RXRA: variants seen among roughly 807,000 people sequenced by gnomAD.
The protein encoded by RXRA is retinoic acid receptor RXR-alpha.
In RXRA, 5 loss-of-function variants were observed where a neutral mutation model predicts 44.5. The ratio of observed to expected loss-of-function variants is 0.11; its 90% confidence interval spans 0.06 to 0.24. RXRA has a LOEUF of 0.24. Ranked by LOEUF, RXRA falls within the 10% of genes least tolerant of loss-of-function variation. RXRA has a pLI of 1.00. For missense variants in RXRA, 412 were observed against 646.5 expected (o/e 0.64, Z 3.93); for synonymous variants, 291 against 271.4 (o/e 1.07, Z -0.71).
chr9:134,439,325 A>G lies in RXRA; in HGVS notation c.*2711A>G, dbSNP rs1232635225. The G allele has an allele frequency of 6.6e-6, 1 of 152,076 alleles. No individual in the cohort carries two copies. Among genetic ancestry groups the G allele is most frequent in the East Asian group, 1.9e-4 (1 of 5,176 alleles). 9.4% of individuals were successfully genotyped at this position (152,076 alleles called of 1,614,324 possible). ...CCCGGCACCTTCAGGCACGCTCCTC[A>G]GCTGGTCACCTCCCGGCTTTGCCGT... is the stretch of plus-strand genomic sequence containing the variant. On this transcript the variant is annotated 3_prime_UTR_variant, in exon 10 of 10. Coordinates refer to ENST00000481739, the MANE Select transcript of RXRA (RefSeq NM_002957.6).
intron 1 of RXRA, among the ~76,000 whole-genome samples, chr9:134,377,967 G>A (rs939523471): frequency 2.0e-5 from 3 of 152,230 alleles, no homozygotes; most frequent in Non-Finnish European, 4.4e-5. Context: ...GCCGAGCTGG[G>A]GCAGGTTATG....
chr9:134,419,686 C>T (rs34704708), intron 5 of RXRA, among the ~76,000 whole-genome samples: 1 of 152,252 alleles, frequency 6.6e-6, no homozygotes, highest in Non-Finnish European at 1.5e-5. Flanking sequence ...CCTACTGTTA[C>T]ATGAGGCACG....
At chr9:134,418,830 G>A (rs1228337409) in intron 5 of RXRA, among the ~76,000 whole-genome samples, 5 of 152,170 alleles carry the variant, frequency 3.3e-5, no homozygotes, top group African/African-American at 4.8e-5. Context: ...CACCAGCTTC[G>A]GTCAAGGACA....
At chr9:134,404,561 C>G (rs950166794) in intron 2 of RXRA, 1 of 152,370 alleles carries the variant, frequency 6.6e-6, no homozygotes, top group Non-Finnish European at 1.5e-5. Flanking sequence ...GTGTCAAGGC[C>G]TCTGAGCTCT....
intron 1 of RXRA, among the ~76,000 whole-genome samples, chr9:134,392,650 A>G (rs1830817712): frequency 6.6e-6 from 1 of 152,084 alleles, no homozygotes; most frequent in African/African-American, 2.4e-5. Context: ...GGCTACCTGA[A>G]TTCTCGCTTA....
chr9:134,393,953 C>G (rs1201769348), intron 1 of RXRA, among the ~76,000 whole-genome samples: 2 of 152,000 alleles, frequency 1.3e-5, no homozygotes, highest in Non-Finnish European at 2.9e-5. Context: ...TGCCGCTGGC[C>G]AGTCCTCAAC....
chr9:134,393,766 T>C (rs1205515998), intron 1 of RXRA, among the ~76,000 whole-genome samples: 2 of 152,148 alleles, frequency 1.3e-5, no homozygotes, highest in Non-Finnish European at 2.9e-5. Flanking sequence ...TGACTGCTCA[T>C]GGGGAGCCCC....
intron 1 of RXRA, among the ~76,000 whole-genome samples, chr9:134,327,106 C>T (rs1338291024): frequency 2.0e-5 from 3 of 152,018 alleles, no homozygotes; most frequent in South Asian, 2.1e-4. Context: ...CGTCGGGCTG[C>T]GGCTTCTAGC....
intron 4 of RXRA, 97 bp downstream of exon 4, chr9:134,409,216 A>G: frequency 8.0e-7 from 1 of 1,251,754 alleles, no homozygotes; most frequent in Non-Finnish European, 1.1e-6. Flanking sequence ...ACAGGGAGTG[A>G]GTGGCCTGGA....
At chr9:134,341,660 C>T (rs1830087968) in intron 1 of RXRA, among the ~76,000 whole-genome samples, 1 of 152,176 alleles carries the variant, frequency 6.6e-6, no homozygotes, top group African/African-American at 2.4e-5. Context: ...GGCCGGCACA[C>T]ACCTGGTGGC....
chr9:134,398,894 C>T (rs1830919721), intron 1 of RXRA, among the ~76,000 whole-genome samples: 1 of 152,270 alleles, frequency 6.6e-6, no homozygotes, highest in Non-Finnish European at 1.5e-5. Flanking sequence ...GCCCGGCCTC[C>T]TCCCAGGTGC....
At chr9:134,429,049 G>T in intron 6 of RXRA, 59 bp from the exon 7 acceptor site, 2 of 1,598,442 alleles carry the variant, frequency 1.3e-6, no homozygotes, top group Non-Finnish European at 1.7e-6. Context: ...AGGGGCTGGG[G>T]AAGGGGCGAG....
At chr9:134,361,636 G>C (rs1022805736) in intron 1 of RXRA, among the ~76,000 whole-genome samples, 1 of 152,236 alleles carries the variant, frequency 6.6e-6, no homozygotes, top group Non-Finnish European at 1.5e-5. Flanking sequence ...CTGGTAATGA[G>C]CTTTTTCATA....
At position 134,357,531 on chromosome 9, in the gene RXRA, GT is replaced by G. The variant is rs924047741; in HGVS notation, c.28+30873del. On this transcript the variant is annotated intron_variant, in intron 1 of 9. Transcript: ENST00000481739. ...GAGGACTGTCCACGCCACGAGCACA[GT>G]GGGGGAGTCGTGGGTGGAGGGTGGG... 1.3e-4 allele frequency among the ~76,000 whole-genome samples: 20 copies of G among 152,138 alleles called. 1 individual carries two copies. Among genetic ancestry groups the G allele is most frequent in the Non-Finnish European group, 2.5e-4 (17 of 68,016 alleles).
chr9:134,410,968 T>C (rs1831138941), intron 4 of RXRA, among the ~76,000 whole-genome samples: 1 of 152,122 alleles, frequency 6.6e-6, no homozygotes, highest in South Asian at 2.1e-4. Flanking sequence ...TAGGGGAAGC[T>C]CAGGCACTGT....
intron 6 of RXRA, among the ~76,000 whole-genome samples, chr9:134,427,418 C>A (rs1042265104): frequency 6.6e-6 from 1 of 152,166 alleles, no homozygotes; most frequent in Non-Finnish European, 1.5e-5. Flanking sequence ...GAGTCTGTGA[C>A]GGTATTTCCA....
Position 134,436,480 on chromosome 9 carries a change from T to C in RXRA, c.1255T>C (p.Leu419=). The C allele has an allele frequency of 6.2e-7, 1 of 1,614,018 alleles. No homozygotes were observed. Among genetic ancestry groups the C allele is most frequent in the Non-Finnish European group, 8.5e-7 (1 of 1,179,974 alleles). The change falls in exon 10 of 10, where the codon TTG becomes CTG. Residue 419 remains leucine (L), a synonymous_variant. Transcript: ENST00000481739. ...TGTTCCCTGCAGGTTCGCTAAGCTC[T>C]TGCTCCGCCTGCCGGCTCTGCGCTC... ...PEQPGRFAKL[L]LRLPALRSIG... is the part of the protein sequence containing the mutation.
intron 1 of RXRA, among the ~76,000 whole-genome samples, chr9:134,359,752 G>A (rs536055358): frequency 6.6e-6 from 1 of 151,630 alleles, no homozygotes; most frequent in East Asian, 2.0e-4. Flanking sequence ...GAGGTGACAC[G>A]CAGCCCCGCC....
At chr9:134,388,495 C>A (rs1588280802) in intron 1 of RXRA, among the ~76,000 whole-genome samples, 1 of 152,314 alleles carries the variant, frequency 6.6e-6, no homozygotes, top group Admixed American at 6.5e-5. Context: ...ATTTGTGCAC[C>A]TTTCCCCATG....
Sources: gnomAD v4.1 joint callset for allele counts (sites outside exome capture counted in the v4.1 genomes callset) on GRCh38, gnomAD v4.1.1 for gene constraint, MANE v1.5 for transcripts, NCBI Gene and HGNC (gene_info 2026-07-23, HGNC 2026-07-21) for gene names.